NAALADL2: variants seen among roughly 807,000 people sequenced by gnomAD.
The protein encoded by NAALADL2 is N-acetylated alpha-linked acidic dipeptidase like 2.
A neutral mutation model predicts 87.2 loss-of-function variants in NAALADL2; 76 were observed. The ratio of observed to expected loss-of-function variants is 0.87; its 90% CI spans 0.72 to 1.05. The LOEUF (loss-of-function observed/expected upper bound fraction) is 1.05, where lower values mean the gene tolerates loss of function less well. Among genes scored for constraint, NAALADL2 ranks in the 50% least tolerant of loss-of-function variants. The probability of loss-of-function intolerance (pLI) is 0.00; values close to 1 mark genes in which losing one functional copy is unlikely to be tolerated. For synonymous variants in NAALADL2, 354 were observed against 331.0 expected, an observed-to-expected ratio of 1.07 and a Z score of -0.75; for missense variants, 1,089 against 945.8, an observed-to-expected ratio of 1.15 and a Z score of -1.99.
At chr3:175,301,212 G>A (rs1256762223) in intron 4 of NAALADL2, among the ~76,000 whole-genome samples, 1 of 152,054 alleles carries the variant, frequency 6.6e-6, no homozygotes, top group Non-Finnish European at 1.5e-5. Flanking sequence ...GGCATTTAGT[G>A]CTATAAATCT....
intron 9 of NAALADL2, among the ~76,000 whole-genome samples, chr3:175,477,011 A>T (rs971197561): frequency 3.9e-5 from 6 of 152,108 alleles, no homozygotes; most frequent in African/African-American, 1.4e-4. Context: ...CCCTTGAAAC[A>T]ATACCACTAG....
chr3:175,107,142 T>C (rs549042557), intron 2 of NAALADL2, among the ~76,000 whole-genome samples: 1 of 152,202 alleles, frequency 6.6e-6, no homozygotes, highest in African/African-American at 2.4e-5. Flanking sequence ...TAATTTTATG[T>C]AGCAACTAGG....
intron 10 of NAALADL2, among the ~76,000 whole-genome samples, chr3:175,588,989 T>C (rs1720976917): frequency 6.6e-6 from 1 of 152,214 alleles, no homozygotes; most frequent in Non-Finnish European, 1.5e-5. Context: ...TTATAACCCA[T>C]AAATGGTGTG....
chr3:175,527,249 G>T (rs543242450), intron 9 of NAALADL2, among the ~76,000 whole-genome samples: 1 of 152,124 alleles, frequency 6.6e-6, no homozygotes, highest in Non-Finnish European at 1.5e-5. Context: ...CCAGTTTTCA[G>T]TGTGGCATAT....
intron 5 of NAALADL2, among the ~76,000 whole-genome samples, chr3:175,371,487 A>G (rs2148951037): frequency 6.6e-6 from 1 of 152,036 alleles, no homozygotes; most frequent in East Asian, 2.0e-4. Flanking sequence ...CAAGATATGG[A>G]TAATATTATT....
intron 13 of NAALADL2, among the ~76,000 whole-genome samples, chr3:175,784,971 C>A (rs1331171828): frequency 2.0e-5 from 3 of 148,348 alleles, no homozygotes; most frequent in East Asian, 1.9e-4. Context: ...ACCCAGTAGT[C>A]ATTCAGGAGC....
chr3:175,310,998 C>CT (rs1438269458), intron 4 of NAALADL2, among the ~76,000 whole-genome samples: 8 of 95,484 alleles, frequency 8.4e-5, no homozygotes, highest in Non-Finnish European at 1.7e-4. Context: ...TTGTATGTTT[C>CT]CCCCGCAATA....
At chr3:174,515,199 T>C (rs990513642) in intron 1 of NAALADL2, among the ~76,000 whole-genome samples, 3 of 152,120 alleles carry the variant, frequency 2.0e-5, no homozygotes, top group African/African-American at 4.8e-5. Context: ...GATATGAATA[T>C]AGTATAAACA....
chr3:175,130,230 A>G (rs1342181190), intron 2 of NAALADL2, among the ~76,000 whole-genome samples: 5 of 152,190 alleles, frequency 3.3e-5, no homozygotes, highest in African/African-American at 4.8e-5. Context: ...AATTTTGGAT[A>G]TTAACTTCTT....
At chr3:175,773,861 T>G (rs77036699) in intron 13 of NAALADL2, among the ~76,000 whole-genome samples, 1,599 of 152,218 alleles carry the variant, frequency 0.011, 31 homozygotes, top group African/African-American at 0.036. Flanking sequence ...CCATTAAGAT[T>G]CACTGAATTT....
At chr3:175,066,131 T>C (rs13325016) in intron 1 of NAALADL2, among the ~76,000 whole-genome samples, 29,542 of 152,034 alleles carry the variant, frequency 0.19, 3,760 homozygotes, top group African/African-American at 0.35. Flanking sequence ...ACAGGGTGAC[T>C]GTTCCACCAC....
At position 174,787,604 on chromosome 3, in the gene NAALADL2, T is replaced by TACACACAC. The variant is rs1553855443; in HGVS notation, c.-9+49859_-9+49860insCACACACA. ...ATATATATATATATATATATATATA[T>TACACACAC]ATATATATATATATATAGTAGTGAC... On this transcript the variant is annotated intron_variant, in intron 3 of 3. Coordinates refer to the NAALADL2 transcript ENST00000434257. Among the ~76,000 whole-genome samples, 40 of 87,938 alleles carry TACACACAC rather than the reference T, an allele frequency of 4.5e-4. 6 individuals carry two copies. In the South Asian group the frequency reaches 0.019, roughly 41 times the overall value. 57.7% of individuals were successfully genotyped at this position (87,938 alleles called of 152,430 possible).
intron 3 of NAALADL2, among the ~76,000 whole-genome samples, chr3:174,793,192 A>G (rs1406212900): frequency 2.0e-5 from 3 of 152,044 alleles, no homozygotes; most frequent in Admixed American, 1.3e-4. Context: ...TATGAGACAA[A>G]CTTATTTGTA....
At chr3:174,695,483 T>A (rs1728940032) in intron 2 of NAALADL2, among the ~76,000 whole-genome samples, 1 of 152,102 alleles carries the variant, frequency 6.6e-6, no homozygotes, top group Non-Finnish European at 1.5e-5. Context: ...CTCTGCCCAA[T>A]ATGACACAAA....
intron 13 of NAALADL2, among the ~76,000 whole-genome samples, chr3:175,756,465 A>G (rs1747275186): frequency 6.6e-6 from 1 of 152,178 alleles, no homozygotes; most frequent in Non-Finnish European, 1.5e-5. Context: ...AATGTGGTAT[A>G]TGTACTCTAT....
intron 1 of NAALADL2, among the ~76,000 whole-genome samples, chr3:175,073,368 A>G (rs1414729159): frequency 5.9e-5 from 9 of 152,058 alleles, no homozygotes; most frequent in Non-Finnish European, 1.2e-4. Flanking sequence ...CAACTTTGAG[A>G]TCAGTTGTGG....
At chr3:174,960,867 T>C (rs1741873076) in intron 1 of NAALADL2, among the ~76,000 whole-genome samples, 1 of 151,628 alleles carries the variant, frequency 6.6e-6, no homozygotes, top group Non-Finnish European at 1.5e-5. Context: ...GTATGCATTT[T>C]AGTATACAAA....
intron 2 of NAALADL2, among the ~76,000 whole-genome samples, chr3:175,209,826 A>G (rs1741499449): frequency 6.6e-6 from 1 of 151,760 alleles, no homozygotes; most frequent in Non-Finnish European, 1.5e-5. Context: ...CAATGTGAAG[A>G]GCTTTCTCAC....
chr3:175,038,165 A>G (rs756534709), intron 1 of NAALADL2, among the ~76,000 whole-genome samples: 10 of 152,246 alleles, frequency 6.6e-5, no homozygotes, highest in South Asian at 2.1e-4. Flanking sequence ...AATGAAGTGG[A>G]AGGCTTAACA....
Sources: gnomAD v4.1 joint callset for allele counts (sites outside exome capture counted in the v4.1 genomes callset) on GRCh38, gnomAD v4.1.1 for gene constraint, MANE v1.5 for transcripts, NCBI Gene and HGNC (gene_info 2026-07-23, HGNC 2026-07-21) for gene names.